Variants in STPG4 observed in about 807,000 individuals in gnomAD.
The protein encoded by STPG4 is protein STPG4.
A neutral mutation model predicts 31.5 loss-of-function variants in STPG4; 41 were observed. That is an observed-to-expected ratio of 1.30 (90% CI 1.01 to 1.69). The LOEUF (loss-of-function observed/expected upper bound fraction) is 1.69, where lower values mean the gene tolerates loss of function less well. STPG4 is among the 40% of genes most tolerant of loss of function. The pLI is 0.00. For missense variants in STPG4, 375 were observed against 293.4 expected, an observed-to-expected ratio of 1.28 and a Z score of -2.03; for synonymous variants, 141 against 103.0, an observed-to-expected ratio of 1.37 and a Z score of -2.24.
intron 5 of STPG4, among the ~76,000 whole-genome samples, chr2:47,123,797 A>C (rs1686317087): frequency 1.3e-5 from 2 of 152,130 alleles, no homozygotes; most frequent in South Asian, 4.2e-4. Context: ...AGTATATTTT[A>C]TTTTGAAAAA....
chr2:47,087,995 C>T (rs757524996), intron 6 of STPG4, among the ~76,000 whole-genome samples: 3 of 152,016 alleles, frequency 2.0e-5, no homozygotes, highest in East Asian at 1.9e-4. Context: ...TCTCGTGATC[C>T]GCCCACCTCC....
At chr2:47,090,122 G>A (rs995756970) in intron 6 of STPG4, 148 bp downstream of exon 6, 24 of 539,888 alleles carry the variant, frequency 4.4e-5, no homozygotes, top group Non-Finnish European at 6.9e-5. Flanking sequence ...TGCCTTGACA[G>A]GCAACTGTAT....
At chr2:47,103,317 A>G (rs989173464) in intron 5 of STPG4, among the ~76,000 whole-genome samples, 2 of 151,918 alleles carry the variant, frequency 1.3e-5, no homozygotes, top group African/African-American at 4.9e-5. Flanking sequence ...CTGTCACCCA[A>G]ATCACTCGAG....
intron 5 of STPG4, among the ~76,000 whole-genome samples, chr2:47,092,391 G>A (rs1685585389): frequency 6.6e-6 from 1 of 150,640 alleles, no homozygotes; most frequent in South Asian, 2.1e-4. Context: ...AGCCAGTTGT[G>A]GGGGTGTGTT....
At chr2:47,112,265 C>T (rs1022146189) in intron 5 of STPG4, among the ~76,000 whole-genome samples, 5 of 152,120 alleles carry the variant, frequency 3.3e-5, no homozygotes, top group African/African-American at 9.7e-5. Context: ...CTCTCAGGTT[C>T]AAGCTATTCT....
chr2:47,129,797 T>A, intron 5 of STPG4, 144 bp downstream of exon 5: 2 of 1,007,024 alleles, frequency 2.0e-6, no homozygotes, highest in Non-Finnish European at 2.9e-6. Flanking sequence ...TTTTCTTGTG[T>A]GGATAATTGT....
At chr2:47,147,991 G>T (rs1315258879) in intron 3 of STPG4, among the ~76,000 whole-genome samples, 1 of 145,220 alleles carries the variant, frequency 6.9e-6, no homozygotes, top group African/African-American at 2.6e-5. Flanking sequence ...TTGCTCTGTC[G>T]CCCAGGCTGG....
At chr2:47,129,789 T>C in intron 5 of STPG4, 152 bp downstream of exon 5, 1 of 952,656 alleles carries the variant, frequency 1.0e-6, no homozygotes, top group Non-Finnish European at 1.5e-6. Flanking sequence ...CAGAGGTGTT[T>C]TCTTGTGTGG....
At chr2:47,104,993 G>C (rs1453700838) in intron 5 of STPG4, among the ~76,000 whole-genome samples, 2 of 151,852 alleles carry the variant, frequency 1.3e-5, no homozygotes, top group Non-Finnish European at 2.9e-5. Flanking sequence ...TGGATCCCCG[G>C]ATACAGTGAG....
rs1420204159 is a variant in STPG4, at chr2:47,153,024, C to T, written c.82-8G>A. 6.2e-7 allele frequency: 1 copy of T among 1,604,156 alleles called. No individual in the cohort carries two copies. Among genetic ancestry groups the T allele is most frequent in the East Asian group, 2.2e-5 (1 of 44,706 alleles). The stretch of plus-strand genomic sequence containing the variant: ...AGTCTTTTGGGCTGGTTTCTGTTAA[C>T]AAACACAAAGTATGCTTATTCATTT... On this transcript the variant is annotated splice_region_variant and splice_polypyrimidine_tract_variant and intron_variant, in intron 1 of 6. Coordinates refer to ENST00000445927, the MANE Select transcript of STPG4 (RefSeq NM_001163561.2).
chr2:47,102,460 G>A (rs1685820816), intron 5 of STPG4, among the ~76,000 whole-genome samples: 1 of 151,724 alleles, frequency 6.6e-6, no homozygotes, highest in Non-Finnish European at 1.5e-5. Flanking sequence ...GTCATCTGAG[G>A]GAAGTACAAA....
intron 3 of STPG4, among the ~76,000 whole-genome samples, chr2:47,145,629 A>G (rs944556289): frequency 3.3e-5 from 5 of 152,256 alleles, no homozygotes; most frequent in Admixed American, 3.3e-4. Flanking sequence ...ACATACACAT[A>G]AGAAAACAAA....
At chr2:47,089,667 T>A (rs942725511) in intron 6 of STPG4, among the ~76,000 whole-genome samples, 1 of 143,874 alleles carries the variant, frequency 7.0e-6, no homozygotes, top group Non-Finnish European at 1.5e-5. Context: ...AAAAAAAAAA[T>A]CCACTGTTGG....
intron 5 of STPG4, among the ~76,000 whole-genome samples, chr2:47,101,888 A>G (rs1269918234): frequency 6.6e-6 from 1 of 151,760 alleles, no homozygotes; most frequent in Non-Finnish European, 1.5e-5. Context: ...GAAAGGGGTA[A>G]AGTCCCAACA....
At chr2:47,103,230 C>A (rs1685835974) in intron 5 of STPG4, among the ~76,000 whole-genome samples, 1 of 151,870 alleles carries the variant, frequency 6.6e-6, no homozygotes, top group Non-Finnish European at 1.5e-5. Flanking sequence ...ATGATGTCCA[C>A]CGTAACTCAG....
At chr2:47,128,159 A>G (rs938249573) in intron 5 of STPG4, among the ~76,000 whole-genome samples, 11 of 152,210 alleles carry the variant, frequency 7.2e-5, no homozygotes, top group Non-Finnish European at 1.6e-4. Context: ...ATTACCAGGC[A>G]GAGACTCTGG....
At chr2:47,102,966 C>A (rs1274460389) in intron 5 of STPG4, among the ~76,000 whole-genome samples, 2 of 151,836 alleles carry the variant, frequency 1.3e-5, no homozygotes, top group Non-Finnish European at 2.9e-5. Context: ...TTAGATCAAA[C>A]CCTGGCCTGT....
At chr2:47,153,158 TAA>T (rs1395102095) in intron 1 of STPG4, 142 bp from the exon 2 acceptor site, 1 of 554,318 alleles carries the variant, frequency 1.8e-6, no homozygotes, top group Non-Finnish European at 3.1e-6. Flanking sequence ...TACATAATAA[TAA>T]ATTTGCCCAT....
intron 5 of STPG4, among the ~76,000 whole-genome samples, chr2:47,098,188 C>G (rs960143181): frequency 6.6e-6 from 1 of 152,228 alleles, no homozygotes; most frequent in African/African-American, 2.4e-5. Flanking sequence ...CAGGCCTCCT[C>G]TCTAGCCTGA....
Sources: gnomAD v4.1 joint callset for allele counts (sites outside exome capture counted in the v4.1 genomes callset) on GRCh38, gnomAD v4.1.1 for gene constraint, MANE v1.5 for transcripts, NCBI Gene and HGNC (gene_info 2026-07-23, HGNC 2026-07-21) for gene names.